Variants in REL observed in about 807,000 individuals in gnomAD.
The protein encoded by REL is proto-oncogene c-Rel.
A neutral mutation model predicts 45.9 loss-of-function variants in REL; 15 were observed. That is an observed-to-expected ratio of 0.33 (90% CI 0.22 to 0.50). The LOEUF (loss-of-function observed/expected upper bound fraction) is 0.50. REL is among the 20% of genes least tolerant of loss of function. The pLI, the probability that REL is intolerant of heterozygous loss-of-function variation, is 0.98. For synonymous variants in REL, 239 were observed against 242.1 expected (o/e 0.99, Z 0.12); for missense variants, 601 against 715.2 (o/e 0.84, Z 1.82).
At chr2:60,921,249 A>G (rs1403375383) in intron 9 of REL, among the ~76,000 whole-genome samples, 1 of 151,968 alleles carries the variant, frequency 6.6e-6, no homozygotes. Context: ...TACAGAATTA[A>G]TTTTTTCTGT....
At position 60,894,410 on chromosome 2, in the gene REL, A is replaced by G. The variant is rs1673296649; in HGVS notation, c.167A>G (p.Tyr56Cys). 6.5e-7 allele frequency: 1 copy of G among 1,548,708 alleles called. No individual in the cohort carries two copies. Among genetic ancestry groups the G allele is most frequent in the Non-Finnish European group, 8.8e-7 (1 of 1,137,174 alleles). The change falls in exon 3 of 10, where the codon TAT becomes TGT. Residue 56 changes from tyrosine to cysteine, a missense_variant. Tyr to Cys is a radical substitution (Grantham distance 194). This residue lies in a region of REL where 241 missense variants were observed against 347.0 expected (regional missense o/e 0.69). Transcript: ENST00000394479. ...CCCTTTTTTCAGATTATGAACTATT[A>G]TGGAAAAGGAAAAGTGAGAATTACA... ...TYPSIQIMNY[Y>C]GKGKVRITLV...
At chr2:60,884,898 ACTTAAT>A (rs1444989132) in intron 1 of REL, among the ~76,000 whole-genome samples, 1 of 152,204 alleles carries the variant, frequency 6.6e-6, no homozygotes, top group Non-Finnish European at 1.5e-5. Context: ...GTGTGAGGCA[ACTTAAT>A]CTTTAATAAC....
chr2:60,897,913 T>C lies in REL; in HGVS notation c.303-3079T>C, dbSNP rs374424563. Reference sequence around the variant, plus strand: ...CAAATAGAATATTCCCCAAACGTGATTTTACTGTGATCATATCTCTTTCCC... The same window carrying C: ...CAAATAGAATATTCCCCAAACGTGACTTTACTGTGATCATATCTCTTTCCC... On this transcript the variant is annotated intron_variant, in intron 3 of 9. Coordinates refer to ENST00000394479, the MANE Select transcript of REL (RefSeq NM_001291746.2). Among the ~76,000 whole-genome samples, 67 of 151,796 alleles carry C rather than the reference T, an allele frequency of 4.4e-4. 1 individual carries two copies. In the South Asian group the frequency reaches 0.013, roughly 30 times the overall value.
chr2:60,890,433 T>G (rs1359852605), intron 1 of REL, among the ~76,000 whole-genome samples: 1 of 152,162 alleles, frequency 6.6e-6, no homozygotes, highest in African/African-American at 2.4e-5. Flanking sequence ...AAAGGCCTCT[T>G]CTCCATACTG....
chr2:60,919,933 C>A, intron 7 of REL, 108 bp from the exon 8 acceptor site: 2 of 676,112 alleles, frequency 3.0e-6, no homozygotes, highest in South Asian at 1.9e-5. Flanking sequence ...AACTTACATA[C>A]ATATTTATTG....
chr2:60,914,619 AC>A (rs1158995410), intron 4 of REL, among the ~76,000 whole-genome samples: 2 of 151,926 alleles, frequency 1.3e-5, no homozygotes, highest in East Asian at 3.9e-4. Context: ...CATTTCCATC[AC>A]CCCCTAAAAT....
At chr2:60,901,132 T>C in intron 4 of REL, 49 bp downstream of exon 4, 4 of 1,467,198 alleles carry the variant, frequency 2.7e-6, no homozygotes, top group Admixed American at 2.8e-5. Flanking sequence ...TGTTGATTTC[T>C]GTTTCTTTTT....
chr2:60,887,903 GTTT>G, intron 1 of REL, among the ~76,000 whole-genome samples: 1 of 150,338 alleles, frequency 6.7e-6, no homozygotes, highest in East Asian at 2.0e-4. Flanking sequence ...GAAGTTTTGG[GTTT>G]TTTTGTTGTT....
chr2:60,893,933 C>A (rs996939837), intron 2 of REL, among the ~76,000 whole-genome samples: 1 of 152,110 alleles, frequency 6.6e-6, no homozygotes, highest in Non-Finnish European at 1.5e-5. Context: ...TTGGGGTATG[C>A]TTACTGAACA....
chr2:60,917,530 GTTT>G (rs758484837), intron 5 of REL, among the ~76,000 whole-genome samples: 1 of 128,746 alleles, frequency 7.8e-6, no homozygotes. Context: ...TTTTTTATTG[GTTT>G]TTTTTTTTTT....
intron 4 of REL, among the ~76,000 whole-genome samples, chr2:60,904,022 G>A (rs1673568129): frequency 6.6e-6 from 1 of 152,176 alleles, no homozygotes; most frequent in African/African-American, 2.4e-5. Context: ...GTTGTTGGTA[G>A]ATAGTAAGTG....
chr2:60,881,601 C>A lies in REL; in HGVS notation c.-240C>A. On this transcript the variant is annotated 5_prime_UTR_variant, in exon 1 of 10. Coordinates refer to ENST00000394479, the MANE Select transcript of REL (RefSeq NM_001291746.2). ...TCGGCTCTCCCCGCTCCGCCCCCTG[C>A]CCCTGGCTCCCGTACGGTGGACGGC... The A allele has an allele frequency of 2.0e-6, 1 of 502,258 alleles. No homozygotes were observed. The highest frequency in any genetic ancestry group is 2.5e-5 in the South Asian group (1 of 39,474). The allele number at this position is 502,258 out of a possible 1,614,324, so 31.1% of individuals were successfully genotyped here.
intron 3 of REL, among the ~76,000 whole-genome samples, chr2:60,894,866 T>TC (rs1269779706): frequency 6.7e-6 from 1 of 149,758 alleles, no homozygotes; most frequent in African/African-American, 2.5e-5. Context: ...TTTTTTTTTT[T>TC]TTTTTTTGAG....
At position 60,928,947 on chromosome 2, in the gene REL, G is replaced by C. The variant is rs1674328349; in HGVS notation, c.*6412G>C. The C allele has an allele frequency of 6.7e-6, 1 of 148,546 alleles. No homozygotes were observed. Among genetic ancestry groups the C allele is most frequent in the Non-Finnish European group, 1.5e-5 (1 of 65,916 alleles). 9.2% of individuals were successfully genotyped at this position (148,546 alleles called of 1,614,324 possible). A position where few individuals can be genotyped will look rare whatever the true frequency, so the allele number is the denominator to read the frequency against. ...TTATCTGACAAAGGGCTAATATCCA[G>C]AATCTACAATGAACTCAAACAAATT... On this transcript the variant is annotated 3_prime_UTR_variant, in exon 10 of 10. Coordinates refer to ENST00000394479, the MANE Select transcript of REL (RefSeq NM_001291746.2).
chr2:60,892,832 G>A (rs924192683), intron 2 of REL, among the ~76,000 whole-genome samples: 16 of 151,852 alleles, frequency 1.1e-4, no homozygotes, highest in African/African-American at 1.9e-4. Context: ...TCAGCTCACT[G>A]CAAGCTCCAC....
intron 4 of REL, among the ~76,000 whole-genome samples, chr2:60,910,154 T>C (rs959258341): frequency 2.6e-5 from 4 of 151,730 alleles, no homozygotes; most frequent in Non-Finnish European, 5.9e-5. Context: ...TTTCTAAAGG[T>C]AGATTAAACA....
chr2:60,906,223 T>G (rs758392855), intron 4 of REL, among the ~76,000 whole-genome samples: 4 of 152,184 alleles, frequency 2.6e-5, no homozygotes, highest in Non-Finnish European at 2.9e-5. Context: ...ATGAGAATTA[T>G]GGGAGTACAA....
chr2:60,893,195 AGT>A (rs1167022369), intron 2 of REL, among the ~76,000 whole-genome samples: 3 of 152,182 alleles, frequency 2.0e-5, no homozygotes, highest in African/African-American at 7.2e-5. Flanking sequence ...GTTTTTGAAA[AGT>A]GTTACTTTTA....
At chr2:60,912,827 T>G (rs1280640256) in intron 4 of REL, among the ~76,000 whole-genome samples, 1 of 151,810 alleles carries the variant, frequency 6.6e-6, no homozygotes, top group Non-Finnish European at 1.5e-5. Context: ...ATGACAGAGG[T>G]GGCATGTCAT....
Sources: gnomAD v4.1 joint callset for allele counts (sites outside exome capture counted in the v4.1 genomes callset) on GRCh38, gnomAD v4.1.1 for gene constraint, gnomAD v4.1.1 regional missense constraint, MANE v1.5 for transcripts, NCBI Gene and HGNC (gene_info 2026-07-23, HGNC 2026-07-21) for gene names.